The following ADGRF3 variants were observed in gnomAD, a reference collection of about 807,000 sequenced individuals.
ADGRF3 encodes G protein-coupled receptor 113.
Under a neutral mutation model 93.2 loss-of-function variants are expected in ADGRF3, and 85 were observed. That is an observed-to-expected ratio of 0.91 (90% CI 0.77 to 1.09). ADGRF3 has a LOEUF of 1.09. Among genes scored for constraint, ADGRF3 ranks in the 50% least tolerant of loss-of-function variants. The pLI is 0.00. For missense variants in ADGRF3, 1,125 were observed against 1,246.2 expected (o/e 0.90, Z 1.46); for synonymous variants, 534 against 532.5 (o/e 1.00, Z -0.04).
chr2:26,331,746 G>A (rs1311720490), intron 1 of ADGRF3, among the ~76,000 whole-genome samples: 1 of 151,288 alleles, frequency 6.6e-6, no homozygotes, highest in Non-Finnish European at 1.5e-5. Flanking sequence ...AAAAACAAAA[G>A]GCAAAAACAA....
chr2:26,318,768 C>A, intron 1 of ADGRF3: 3 of 815,164 alleles, frequency 3.7e-6, no homozygotes, highest in Non-Finnish European at 3.9e-6. Context: ...CAAGAGCTAT[C>A]CCCCACACCC....
intron 1 of ADGRF3, among the ~76,000 whole-genome samples, chr2:26,342,072 C>CA (rs1219133758): frequency 6.3e-4 from 87 of 138,780 alleles, no homozygotes; most frequent in East Asian, 1.1e-3. Flanking sequence ...GACTCCATCT[C>CA]AAAAAAAAAA....
chr2:26,328,715 G>C (rs552009288), intron 1 of ADGRF3, among the ~76,000 whole-genome samples: 1 of 152,308 alleles, frequency 6.6e-6, no homozygotes, highest in East Asian at 1.9e-4. Flanking sequence ...GCCTCCCAAA[G>C]TGCTGGGATT....
At chr2:26,335,331 T>C (rs1262874420) in intron 1 of ADGRF3, among the ~76,000 whole-genome samples, 3 of 152,258 alleles carry the variant, frequency 2.0e-5, no homozygotes, top group East Asian at 1.9e-4. Context: ...CTTCGCATAA[T>C]GTTTTCAAGT....
At chr2:26,309,220 T>C in intron 13 of ADGRF3, 113 bp from the exon 14 acceptor site, 2 of 1,611,470 alleles carry the variant, frequency 1.2e-6, no homozygotes, top group South Asian at 2.2e-5. Context: ...GTGACTCTCA[T>C]GATAATTAAA....
In ADGRF3 at chr2:26,313,826, C is replaced by T. The variant is rs2052937; in HGVS notation, c.1006G>A (p.Ala336Thr). 1,113,918 of 1,613,660 alleles carry T rather than the reference C, an allele frequency of 0.69. 386,446 individuals carry two copies. Among genetic ancestry groups the T allele is most frequent in the East Asian group, 0.76 (34,208 of 44,860 alleles). Residue 336 changes from alanine to threonine, a missense_variant, in exon 7 of 14, where the codon GCT (alanine) becomes ACT (threonine). By Grantham distance (58) the Ala-to-Thr change is moderately conservative (BLOSUM62 0). Transcript: ENST00000651242. ...QRCPMADTTYACDLQSLGLAP... is the reference protein window; with the variant it reads ...QRCPMADTTYTCDLQSLGLAP... ...AGGCCCAGGCTCTGCAGGTCACAAGCGTACGTGGTGTCAGCCATCGGGCAG... is the reference window on the plus strand; with the variant it reads ...AGGCCCAGGCTCTGCAGGTCACAAGTGTACGTGGTGTCAGCCATCGGGCAG...
chr2:26,317,610 C>G (rs1424639370), intron 1 of ADGRF3, 48 bp from the exon 2 acceptor site: 1 of 1,518,464 alleles, frequency 6.6e-7, no homozygotes, highest in Non-Finnish European at 9.0e-7. Context: ...CCAAAGGCAC[C>G]CCAGGGGCCA....
At chr2:26,333,556 T>C (rs79358229) in intron 1 of ADGRF3, among the ~76,000 whole-genome samples, 3,718 of 150,592 alleles carry the variant, frequency 0.025, 129 homozygotes, top group African/African-American at 0.077. Flanking sequence ...TTTTGAAGAC[T>C]CCTAAACAGG....
In ADGRF3 at chr2:26,314,641, C is replaced by G. The variant is rs751575148; in HGVS notation, c.719-18G>C. 6.2e-7 allele frequency: 1 copy of G among 1,604,006 alleles called. No homozygotes were observed. Among genetic ancestry groups the G allele is most frequent in the East Asian group, 2.2e-5 (1 of 44,762 alleles). ...GTACTCACCTGCAGAAACGTGTGTGCGGCGCTATGTGGCTCCTCTGGGCCC... is the reference window on the plus strand; with the variant it reads ...GTACTCACCTGCAGAAACGTGTGTGGGGCGCTATGTGGCTCCTCTGGGCCC... On this transcript the variant is annotated intron_variant, in intron 5 of 13. Transcript: ENST00000651242.
chr2:26,337,005 G>A (rs931352120), intron 1 of ADGRF3, among the ~76,000 whole-genome samples: 10 of 152,176 alleles, frequency 6.6e-5, no homozygotes, highest in East Asian at 1.9e-4. Flanking sequence ...AGTTTTTGCC[G>A]TTCTTTCTCT....
Position 26,322,018 on chromosome 2 carries a change from T to C in ADGRF3, c.115-4456A>G, listed in dbSNP as rs1574717197. 9.0e-5 allele frequency among the ~76,000 whole-genome samples: 13 copies of C among 143,842 alleles called. No individual in the cohort carries two copies. In the South Asian group the frequency reaches 2.9e-3, roughly 32 times the overall value. 94.4% of individuals were successfully genotyped at this position (143,842 alleles called of 152,430 possible). On this transcript the variant is annotated intron_variant, in intron 1 of 13. Coordinates refer to ENST00000651242, the MANE Select transcript of ADGRF3 (RefSeq NM_001321971.2). ...GATAGAGGCTGGGTGCAGTGGCTCA[T>C]GCCTGTAATCCCAGCACTACACCTT...
intron 1 of ADGRF3, among the ~76,000 whole-genome samples, chr2:26,321,355 T>A (rs1417427576): frequency 6.6e-6 from 1 of 152,194 alleles, no homozygotes; most frequent in East Asian, 1.9e-4. Flanking sequence ...ATTAGCATGC[T>A]GTGTGCTGTC....
chr2:26,340,825 T>G (rs1382391374), intron 1 of ADGRF3, among the ~76,000 whole-genome samples: 1 of 152,212 alleles, frequency 6.6e-6, no homozygotes. Flanking sequence ...TGTAAAACTT[T>G]GCCTGCAATC....
chr2:26,314,870 A>G, intron 5 of ADGRF3: 1 of 511,364 alleles, frequency 2.0e-6, no homozygotes, highest in Non-Finnish European at 3.5e-6. Context: ...CTCTCCCTAG[A>G]GCAGATGCCC....
At chr2:26,313,623 C>A in intron 7 of ADGRF3, 50 bp from the exon 8 acceptor site, 2 of 1,572,874 alleles carry the variant, frequency 1.3e-6, no homozygotes, top group Non-Finnish European at 8.6e-7. Flanking sequence ...CTCACCTGAG[C>A]CTCTCCTTGG....
intron 11 of ADGRF3, 29 bp downstream of exon 11, chr2:26,310,167 G>A: frequency 6.2e-7 from 1 of 1,614,008 alleles, no homozygotes; most frequent in South Asian, 1.1e-5. Context: ...GGCTGCAAGT[G>A]AGGCAGGGGG....
intron 1 of ADGRF3, among the ~76,000 whole-genome samples, chr2:26,336,253 T>G (rs921444225): frequency 1.3e-5 from 2 of 151,890 alleles, no homozygotes; most frequent in Non-Finnish European, 2.9e-5. Flanking sequence ...ACAGAAGCTT[T>G]GTATATGCAA....
chr2:26,314,239 G>T (rs1212099662), intron 6 of ADGRF3, among the ~76,000 whole-genome samples, 175 bp downstream of exon 6: 1 of 152,236 alleles, frequency 6.6e-6, no homozygotes, highest in Non-Finnish European at 1.5e-5. Flanking sequence ...ATGTGGTTAT[G>T]TTATGGCAAT....
Position 26,316,907 on chromosome 2 carries a change from G to A in ADGRF3, c.325+5C>T. 2.5e-6 allele frequency: 4 copies of A among 1,595,982 alleles called. No homozygotes were observed. Among genetic ancestry groups the A allele is most frequent in the Non-Finnish European group, 3.4e-6 (4 of 1,174,220 alleles). ...CTCTCAGCCCCCTTCCCACGCAAGT[G>A]GTACCTGTTGTGAGTCTGAGGCCAG... On this transcript the variant is annotated splice_donor_5th_base_variant and intron_variant, in intron 3 of 13. Coordinates refer to ENST00000651242, the MANE Select transcript of ADGRF3 (RefSeq NM_001321971.2).
Sources: gnomAD v4.1 joint callset for allele counts (sites outside exome capture counted in the v4.1 genomes callset) on GRCh38, gnomAD v4.1.1 for gene constraint, MANE v1.5 for transcripts, NCBI Gene and HGNC (gene_info 2026-07-23, HGNC 2026-07-21) for gene names.